The following PLXDC1 variants were observed in gnomAD, a reference collection of about 807,000 sequenced individuals.
PLXDC1 encodes the protein plexin domain-containing protein 1.
In PLXDC1, 39 loss-of-function variants were observed where a neutral mutation model predicts 61.3. The observed-to-expected ratio is 0.64, with a 90% CI of 0.49 to 0.83. The LOEUF (loss-of-function observed/expected upper bound fraction) is 0.83. Among genes scored for constraint, PLXDC1 ranks in the 40% least tolerant of loss-of-function variants. The pLI, the probability that PLXDC1 is intolerant of heterozygous loss-of-function variation, is 0.00. For synonymous variants in PLXDC1, 212 were observed against 254.5 expected (o/e 0.83, Z 1.59); for missense variants, 596 against 666.5 (o/e 0.89, Z 1.17).
intron 1 of PLXDC1, among the ~76,000 whole-genome samples, chr17:39,148,138 C>T (rs990609581): frequency 2.6e-5 from 4 of 152,020 alleles, no homozygotes; most frequent in African/African-American, 9.7e-5. Context: ...GGAGGGGCTG[C>T]CTGACCTCCA....
intron 1 of PLXDC1, among the ~76,000 whole-genome samples, chr17:39,140,783 G>A (rs190348391): frequency 6.6e-6 from 1 of 152,270 alleles, no homozygotes; most frequent in East Asian, 1.9e-4. Flanking sequence ...AGTTCTTTTC[G>A]TTCAGGGCTT....
At chr17:39,075,178 C>T (rs142851544) in intron 11 of PLXDC1, among the ~76,000 whole-genome samples, 5 of 152,280 alleles carry the variant, frequency 3.3e-5, no homozygotes, top group East Asian at 1.9e-4. Context: ...AGGCTGGTCT[C>T]GAACTCCTGA....
chr17:39,095,646 G>A (rs190361197), intron 7 of PLXDC1, among the ~76,000 whole-genome samples: 7 of 151,302 alleles, frequency 4.6e-5, no homozygotes, highest in East Asian at 1.9e-4. Flanking sequence ...TTTTTTTGGC[G>A]GGGGGGTTGT....
At chr17:39,072,317 T>A in intron 12 of PLXDC1, 133 bp downstream of exon 12, 1 of 705,590 alleles carries the variant, frequency 1.4e-6, no homozygotes, top group Non-Finnish European at 2.6e-6. Flanking sequence ...CAGCAGGAGG[T>A]CTGGGATGCT....
At chr17:39,098,073 C>T (rs973453463) in intron 7 of PLXDC1, among the ~76,000 whole-genome samples, 7 of 150,058 alleles carry the variant, frequency 4.7e-5, no homozygotes, top group Non-Finnish European at 1.0e-4. Flanking sequence ...GGCGTGGTGG[C>T]GGGCACCTAT....
intron 3 of PLXDC1, 77 bp from the exon 4 acceptor site, chr17:39,109,050 G>A (rs1387804026): frequency 7.5e-7 from 1 of 1,335,066 alleles, no homozygotes; most frequent in East Asian, 2.3e-5. Flanking sequence ...CCTCATGCTT[G>A]TTTGGACAGA....
Position 39,074,686 on chromosome 17 carries a change from G to T in PLXDC1, c.1187-2201C>A, listed in dbSNP as rs527819720. On this transcript the variant is annotated intron_variant, in intron 11 of 13. Coordinates refer to ENST00000315392, the MANE Select transcript of PLXDC1 (RefSeq NM_020405.5). Reference sequence around the variant, plus strand: ...CCACGCCACCACAGACCCCCTTCTAGCCTCTGACACTGTGCCTCCACCAGA... The same window carrying T: ...CCACGCCACCACAGACCCCCTTCTATCCTCTGACACTGTGCCTCCACCAGA... Among the ~76,000 whole-genome samples the T allele has an allele frequency of 1.0e-3, 156 of 152,204 alleles. 1 individual carries two copies. The highest frequency in any genetic ancestry group is 3.3e-3 in the African/African-American group (135 of 41,516).
chr17:39,103,083 C>T (rs1378644381), intron 7 of PLXDC1, among the ~76,000 whole-genome samples: 1 of 152,054 alleles, frequency 6.6e-6, no homozygotes, highest in East Asian at 1.9e-4. Flanking sequence ...GGCGTGGTGG[C>T]AGGTGCCTCT....
chr17:39,083,690 G>C, intron 8 of PLXDC1, 150 bp from the exon 9 acceptor site: 1 of 664,218 alleles, frequency 1.5e-6, no homozygotes, highest in Non-Finnish European at 2.7e-6. Flanking sequence ...CCTTGGTCCA[G>C]TCTAGCCCCA....
At chr17:39,099,830 T>C (rs1464804775) in intron 7 of PLXDC1, among the ~76,000 whole-genome samples, 1 of 152,016 alleles carries the variant, frequency 6.6e-6, no homozygotes, top group Non-Finnish European at 1.5e-5. Flanking sequence ...ATCAGTGTGG[T>C]AGGCAGACGC....
chr17:39,091,831 C>G (rs1909962261), intron 7 of PLXDC1, among the ~76,000 whole-genome samples: 1 of 151,832 alleles, frequency 6.6e-6, no homozygotes, highest in Admixed American at 6.6e-5. Context: ...TGGTGGTGAG[C>G]ACCTGTAATC....
At position 39,139,847 on chromosome 17, in the gene PLXDC1, C is replaced by T; in HGVS notation, c.77-15G>A. 1 of 1,584,370 alleles carries T rather than the reference C, an allele frequency of 6.3e-7. No individual in the cohort carries two copies. Among genetic ancestry groups the T allele is most frequent in the African/African-American group, 1.3e-5 (1 of 74,406 alleles). On this transcript the variant is annotated splice_polypyrimidine_tract_variant and intron_variant, in intron 1 of 13. Coordinates refer to ENST00000315392, the MANE Select transcript of PLXDC1 (RefSeq NM_020405.5). ...CTCATCGTGACCTGGGAGAAGGGGA[C>T]AGAAACCTGAGTGCCAGCAGTCCGG...
intron 2 of PLXDC1, among the ~76,000 whole-genome samples, chr17:39,112,457 C>CTT (rs11448360): frequency 0.15 from 18,707 of 121,034 alleles, 1,880 homozygotes; most frequent in African/African-American, 0.19. Flanking sequence ...TTTTTTCTTT[C>CTT]TTTTTTTTTT....
intron 5 of PLXDC1, 161 bp from the exon 6 acceptor site, chr17:39,107,686 C>T (rs1302107782): frequency 1.5e-6 from 1 of 665,112 alleles, no homozygotes; most frequent in Non-Finnish European, 2.7e-6. Flanking sequence ...CTCACTAAAG[C>T]AGCGCGGCTT....
At chr17:39,127,188 C>T (rs1911335711) in intron 2 of PLXDC1, among the ~76,000 whole-genome samples, 2 of 152,034 alleles carry the variant, frequency 1.3e-5, no homozygotes, top group South Asian at 4.1e-4. Context: ...ATGATCAGTC[C>T]CACCTTACAG....
intron 2 of PLXDC1, among the ~76,000 whole-genome samples, chr17:39,134,637 A>G (rs982881689): frequency 1.6e-4 from 24 of 148,136 alleles, no homozygotes; most frequent in African/African-American, 5.1e-4. Flanking sequence ...AAAAAAAAAA[A>G]AAGAAAAAGA....
chr17:39,108,800 C>G, intron 4 of PLXDC1, 104 bp downstream of exon 4: 1 of 751,556 alleles, frequency 1.3e-6, no homozygotes, highest in Non-Finnish European at 2.3e-6. Flanking sequence ...GTGCCTTCCT[C>G]CCATTTCATA....
chr17:39,134,534 G>A lies in PLXDC1; in HGVS notation c.255+5120C>T, dbSNP rs1054296047. On this transcript the variant is annotated intron_variant, in intron 2 of 13. Transcript: ENST00000315392. ...CCAGCTATTCAGGAGGCTGAAGCAC[G>A]AGAATTGCTAGAACCCGGGAGGCAG... 7.9e-5 allele frequency among the ~76,000 whole-genome samples: 12 copies of A among 151,256 alleles called. No homozygotes were observed. The East Asian group carries it at 1.8e-3, about 22-fold the overall frequency.
At chr17:39,111,618 C>T (rs937529414) in intron 2 of PLXDC1, among the ~76,000 whole-genome samples, 4 of 152,104 alleles carry the variant, frequency 2.6e-5, no homozygotes, top group African/African-American at 4.8e-5. Context: ...TTCACCCCTA[C>T]CTCCCCAATG....
Sources: allele counts gnomAD v4.1 joint callset (sites outside exome capture counted in the v4.1 genomes callset), GRCh38; gene constraint gnomAD v4.1.1; transcripts MANE v1.5; gene names NCBI Gene and HGNC (gene_info 2026-07-23, HGNC 2026-07-21).